Variants in TMEM182 observed in about 807,000 individuals in gnomAD.
TMEM182 encodes transmembrane protein 182.
TMEM182 carries 20 observed loss-of-function variants against 26.8 expected under a neutral mutation model. That is an observed-to-expected ratio of 0.75 (90% confidence interval 0.53 to 1.09). The LOEUF (loss-of-function observed/expected upper bound fraction) is 1.09, where lower values mean the gene tolerates loss of function less well. TMEM182 is among the 50% of genes least tolerant of loss of function. The pLI, the probability that TMEM182 is intolerant of heterozygous loss-of-function variation, is 0.00. For missense variants in TMEM182, 277 were observed against 275.5 expected, an observed-to-expected ratio of 1.01 and a Z score of -0.04; for synonymous variants, 109 against 102.2, an observed-to-expected ratio of 1.07 and a Z score of -0.40.
chr2:102,791,155 T>G (rs971285364), intron 3 of TMEM182, among the ~76,000 whole-genome samples: 8 of 152,150 alleles, frequency 5.3e-5, no homozygotes, highest in African/African-American at 1.9e-4. Context: ...AGGCTGGTCT[T>G]GAACTCCTGA....
chr2:102,761,929 A>T (rs1403301729), upstream of TMEM182: 2 of 297,648 alleles, frequency 6.7e-6, no homozygotes, highest in African/African-American at 4.5e-5. Context: ...CTATTTTTTG[A>T]TCCCCATGGG....
rs772642370 is a variant in TMEM182 at position 102,762,175 on chromosome 2, T to A, written c.-43T>A. 3 of 1,521,124 alleles carry A rather than the reference T, an allele frequency of 2.0e-6. No homozygotes were observed. The highest frequency in any genetic ancestry group is 3.7e-5 in the Admixed American group (2 of 54,670). The allele number at this position is 1,521,124 out of a possible 1,614,324, so 94.2% of individuals were successfully genotyped here. A position where few individuals can be genotyped will look rare whatever the true frequency, so the allele number is the denominator to read the frequency against. On this transcript the variant is annotated 5_prime_UTR_variant, in exon 1 of 5. Coordinates refer to ENST00000412401, the MANE Select transcript of TMEM182 (RefSeq NM_144632.5). ...TGAGAAACTAGGTGTCTTACCATTT[T>A]AAAATTTCATATTTTATTTAAAAGG...
chr2:102,821,117 T>C (rs990964315), downstream of TMEM182, among the ~76,000 whole-genome samples: 1 of 152,186 alleles, frequency 6.6e-6, no homozygotes, highest in African/African-American at 2.4e-5. Flanking sequence ...TTCCCCACTC[T>C]CATTCTGTGC....
intron 3 of TMEM182, among the ~76,000 whole-genome samples, chr2:102,774,054 C>A (rs1270262456): frequency 1.3e-5 from 2 of 151,972 alleles, no homozygotes; most frequent in African/African-American, 4.8e-5. Context: ...ATAAGGAACT[C>A]ATATGTTACC....
At chr2:102,806,443 C>T (rs995210224) in intron 4 of TMEM182, among the ~76,000 whole-genome samples, 3 of 152,120 alleles carry the variant, frequency 2.0e-5, no homozygotes, top group Non-Finnish European at 4.4e-5. Context: ...ACTGGTGCCA[C>T]CTCGTGGAGA....
chr2:102,756,469 A>C (rs1308334220), intron 1 of TMEM182, among the ~76,000 whole-genome samples: 1 of 152,060 alleles, frequency 6.6e-6, no homozygotes, highest in Admixed American at 6.6e-5. Flanking sequence ...GCACTTTGGG[A>C]GGCTGAGGTG....
At chr2:102,744,302 C>T (rs192771060) in intron 1 of TMEM182, among the ~76,000 whole-genome samples, 12 of 152,178 alleles carry the variant, frequency 7.9e-5, no homozygotes, top group South Asian at 2.1e-4. Context: ...GCTTATAAAT[C>T]GCACCTAGCT....
At chr2:102,765,138 T>C (rs535316083) in intron 3 of TMEM182, among the ~76,000 whole-genome samples, 1 of 152,274 alleles carries the variant, frequency 6.6e-6, no homozygotes, top group East Asian at 1.9e-4. Context: ...CACATAAATA[T>C]ATATTATATA....
At chr2:102,801,309 C>T (rs1236372727) in intron 4 of TMEM182, among the ~76,000 whole-genome samples, 2 of 152,138 alleles carry the variant, frequency 1.3e-5, no homozygotes, top group East Asian at 3.9e-4. Flanking sequence ...TGCACTCAGA[C>T]CCAGTGGATT....
upstream of TMEM182, among the ~76,000 whole-genome samples, chr2:102,759,080 C>T (rs1680132959): frequency 6.6e-6 from 1 of 152,088 alleles, no homozygotes; most frequent in African/African-American, 2.4e-5. Context: ...ATCCTTTTCT[C>T]TGACAAAGAC....
chr2:102,821,336 T>A (rs963369559), downstream of TMEM182, among the ~76,000 whole-genome samples: 3 of 152,108 alleles, frequency 2.0e-5, no homozygotes, highest in African/African-American at 7.2e-5. Context: ...TGGGAGGTGT[T>A]TGGGTCATGA....
intron 3 of TMEM182, among the ~76,000 whole-genome samples, chr2:102,769,940 A>C (rs1201009198): frequency 6.6e-6 from 1 of 152,254 alleles, no homozygotes; most frequent in African/African-American, 2.4e-5. Context: ...GTGGAATACC[A>C]GTTTGTAATA....
intron 3 of TMEM182, among the ~76,000 whole-genome samples, chr2:102,825,976 A>G (rs1683023748): frequency 6.6e-6 from 1 of 152,236 alleles, no homozygotes. Context: ...CTTTTGAATG[A>G]AAAATGGAAC....
Position 102,817,124 on chromosome 2 carries a change from T to C in TMEM182, c.*2156T>C. ...CTGAAGGAATGAAGGAGAGTTGTGATTGCTATGTCAATGAGTGAAATATAC... is the reference window on the plus strand; with the variant it reads ...CTGAAGGAATGAAGGAGAGTTGTGACTGCTATGTCAATGAGTGAAATATAC... On this transcript the variant is annotated 3_prime_UTR_variant, in exon 5 of 5. Coordinates refer to ENST00000412401, the MANE Select transcript of TMEM182 (RefSeq NM_144632.5). 9 of 985,436 alleles carry C rather than the reference T, an allele frequency of 9.1e-6. No homozygotes were observed. Among genetic ancestry groups the C allele is most frequent in the Non-Finnish European group, 9.6e-6 (8 of 829,926 alleles). The allele number at this position is 985,436 out of a possible 1,614,324, so 61.0% of individuals were successfully genotyped here.
chr2:102,817,732 T>C, downstream of TMEM182: 2 of 982,292 alleles, frequency 2.0e-6, no homozygotes, highest in Non-Finnish European at 2.4e-6. Flanking sequence ...TCAATATATA[T>C]GGGTGCATGT....
intron 3 of TMEM182, among the ~76,000 whole-genome samples, chr2:102,832,129 G>T (rs1161655315): frequency 1.3e-5 from 2 of 152,120 alleles, no homozygotes; most frequent in African/African-American, 4.8e-5. Context: ...TATTTCACTG[G>T]ATTCTATCCG....
chr2:102,809,990 G>A (rs1436156305), intron 4 of TMEM182, among the ~76,000 whole-genome samples: 2 of 152,072 alleles, frequency 1.3e-5, no homozygotes, highest in African/African-American at 2.4e-5. Context: ...GAATCATCTC[G>A]AATTTATGAT....
chr2:102,783,943 A>G (rs553544804), intron 3 of TMEM182, among the ~76,000 whole-genome samples: 2 of 152,048 alleles, frequency 1.3e-5, no homozygotes, highest in Non-Finnish European at 2.9e-5. Flanking sequence ...TGTCTCAGCT[A>G]TCTTGTCTGT....
intron 1 of TMEM182, 98 bp downstream of exon 1, chr2:102,762,447 C>T: frequency 4.5e-6 from 7 of 1,556,014 alleles, no homozygotes; most frequent in Non-Finnish European, 6.1e-6. Flanking sequence ...GTGTCTATTT[C>T]TTCATGGAAG....
Sources: allele counts gnomAD v4.1 joint callset (sites outside exome capture counted in the v4.1 genomes callset), GRCh38; gene constraint gnomAD v4.1.1; transcripts MANE v1.5; gene names NCBI Gene and HGNC (gene_info 2026-07-23, HGNC 2026-07-21).